ABCA4: variants seen among roughly 807,000 people sequenced by gnomAD.
ABCA4 encodes retinal-specific phospholipid-transporting ATPase ABCA4.
Under a neutral mutation model 263.7 loss-of-function variants are expected in ABCA4, and 196 were observed. The ratio of observed to expected loss-of-function variants is 0.74; its 90% CI spans 0.66 to 0.84. The LOEUF is 0.84. Among genes scored for constraint, ABCA4 ranks in the 40% least tolerant of loss-of-function variants. The pLI is 0.00. For missense variants in ABCA4, 2,792 were observed against 2,855.1 expected (o/e 0.98, Z 0.50); for synonymous variants, 1,133 against 1,094.2 (o/e 1.04, Z -0.70).
At chr1:94,049,094 C>T in intron 17 of ABCA4, 137 bp from the exon 18 acceptor site, 2 of 751,910 alleles carry the variant, frequency 2.7e-6, no homozygotes, top group South Asian at 1.5e-5. Context: ...GTGAGGTACT[C>T]AAGCCTGATC....
At position 94,043,475 on chromosome 1, in the gene ABCA4, G is replaced by T; in HGVS notation, c.3051C>A (p.His1017Gln). Residue 1017 changes from histidine (H) to glutamine (Q), a missense_variant and splice_region_variant, in exon 21 of 50, where the codon CAC (histidine) becomes CAA (glutamine). Transcript: ENST00000370225. ...ACAGCATGTGCTCAGCCACCGTGAG[G>T]CTAGGAGGATGGGACAACGAGAAAA... is the stretch of plus-strand genomic sequence containing the variant. ...MCPQHNILFHHLTVAEHMLFY... is the reference protein window; with the variant it reads ...MCPQHNILFHQLTVAEHMLFY... 6.2e-7 allele frequency: 1 copy of T among 1,614,128 alleles called. No homozygotes were observed. Among genetic ancestry groups the T allele is most frequent in the Non-Finnish European group, 8.5e-7 (1 of 1,180,022 alleles).
intron 1 of ABCA4, 33 bp downstream of exon 1, chr1:94,120,947 C>A (rs750207786): frequency 6.4e-7 from 1 of 1,552,422 alleles, no homozygotes; most frequent in Non-Finnish European, 8.8e-7. Flanking sequence ...TTGCTCCACA[C>A]CTCATTTTTA....
chr1:94,029,457 G>T lies in ABCA4; in HGVS notation c.4527C>A (p.Leu1509=). ...LPECPEGAGG[L]PPPQRTQRST... ...GGAGGTCAGGTACCTGGGGGGGCGG[G>T]AGGCCCCCGGCACCCTCGGGGCACT... Residue 1509 remains leucine (L), a synonymous_variant, in exon 30 of 50, where the codon CTC becomes CTA. Transcript: ENST00000370225. The T allele has an allele frequency of 6.4e-7, 1 of 1,555,218 alleles. No individual in the cohort carries two copies. The highest frequency in any genetic ancestry group is 8.7e-7 in the Non-Finnish European group (1 of 1,148,832).
chr1:94,099,322 G>A (rs1662226486), intron 5 of ABCA4, among the ~76,000 whole-genome samples: 1 of 152,202 alleles, frequency 6.6e-6, no homozygotes, highest in Non-Finnish European at 1.5e-5. Flanking sequence ...TGTCTCTGGA[G>A]GCTGAAGGAG....
At chr1:94,088,559 CT>C in intron 6 of ABCA4, among the ~76,000 whole-genome samples, 1 of 152,360 alleles carries the variant, frequency 6.6e-6, no homozygotes, top group South Asian at 2.1e-4. Flanking sequence ...CCCAAACCAA[CT>C]TCTGTGCCTG....
intron 1 of ABCA4, among the ~76,000 whole-genome samples, chr1:94,118,085 C>T (rs180786474): frequency 1.8e-4 from 27 of 152,210 alleles, no homozygotes; most frequent in African/African-American, 6.3e-4. Context: ...TCCTGGGTCA[C>T]GCAGCATGGG....
At chr1:94,089,105 T>G (rs1661907330) in intron 6 of ABCA4, among the ~76,000 whole-genome samples, 2 of 152,186 alleles carry the variant, frequency 1.3e-5, no homozygotes, top group Admixed American at 1.3e-4. Flanking sequence ...ATGAACACTT[T>G]GGAAAGCATC....
intron 39 of ABCA4, 121 bp from the exon 40 acceptor site, chr1:94,011,050 G>C: frequency 4.5e-6 from 7 of 1,570,478 alleles, no homozygotes; most frequent in Non-Finnish European, 6.1e-6. Flanking sequence ...CCAAACACCC[G>C]CCTCATAAGG....
At chr1:94,051,184 G>A (rs1660830890) in intron 17 of ABCA4, among the ~76,000 whole-genome samples, 2 of 152,136 alleles carry the variant, frequency 1.3e-5, no homozygotes, top group African/African-American at 4.8e-5. Context: ...CCCAGGAGGA[G>A]TCTTCATCTT....
chr1:94,092,552 T>G (rs942035763), intron 6 of ABCA4, among the ~76,000 whole-genome samples: 2 of 151,600 alleles, frequency 1.3e-5, no homozygotes, highest in Non-Finnish European at 2.9e-5. Flanking sequence ...CACTGGGGGG[T>G]TGGGGGACAT....
intron 19 of ABCA4, among the ~76,000 whole-genome samples, chr1:94,046,301 AAAATAC>A (rs1660673445): frequency 2.2e-5 from 3 of 136,860 alleles, no homozygotes; most frequent in Non-Finnish European, 3.2e-5. Flanking sequence ...AAAAAAAAAA[AAAATAC>A]AAAAATTAGC....
At chr1:94,062,992 T>C (rs1163690095) in intron 12 of ABCA4, 120 bp downstream of exon 12, 1 of 1,148,810 alleles carries the variant, frequency 8.7e-7, no homozygotes, top group Non-Finnish European at 1.3e-6. Flanking sequence ...AATATCTTAT[T>C]TTTTCTTATT....
Position 94,077,709 on chromosome 1 carries a change from A to C in ABCA4, c.1535T>G (p.Leu512Arg). 1 of 1,612,776 alleles carries C rather than the reference A, an allele frequency of 6.2e-7. No homozygotes were observed. The highest frequency in any genetic ancestry group is 8.5e-7 in the Non-Finnish European group (1 of 1,179,104). ...CCTTACCTCCAGGTATTGATTGACC[A>C]GGCGGAGGGTGCGATCAGTGATGTT... The part of the protein sequence containing the change: ...IFNITDRTLR[L>R]VNQYLECLVL... Residue 512 changes from leucine to arginine, a missense_variant, in exon 11 of 50, where the codon CTG (leucine) becomes CGG (arginine). Transcript: ENST00000370225.
At chr1:94,113,198 AAC>A (rs1662660827) in intron 1 of ABCA4, 132 bp from the exon 2 acceptor site, 1 of 823,064 alleles carries the variant, frequency 1.2e-6, no homozygotes, top group South Asian at 1.4e-5. Context: ...TCTTTACCTA[AAC>A]AGTTTCCTTC....
intron 1 of ABCA4, among the ~76,000 whole-genome samples, chr1:94,113,920 A>G (rs1442018657): frequency 2.0e-5 from 3 of 152,220 alleles, no homozygotes; most frequent in Non-Finnish European, 4.4e-5. Context: ...GTGGCATTGC[A>G]CATAGGGGTG....
At chr1:94,031,693 C>T in intron 27 of ABCA4, 85 bp downstream of exon 27, 2 of 1,568,738 alleles carry the variant, frequency 1.3e-6, no homozygotes, top group Admixed American at 3.5e-5. Context: ...AGTTATAACC[C>T]ATGCCTGAAG....
At chr1:94,090,788 G>A (rs1057314963) in intron 6 of ABCA4, among the ~76,000 whole-genome samples, 1 of 152,128 alleles carries the variant, frequency 6.6e-6, no homozygotes, top group Non-Finnish European at 1.5e-5. Flanking sequence ...TCAATAATAC[G>A]TGTTGTGGTA....
chr1:94,027,096 CAG>C (rs1348341842), intron 30 of ABCA4, among the ~76,000 whole-genome samples: 2 of 152,136 alleles, frequency 1.3e-5, no homozygotes, highest in Admixed American at 6.5e-5. Flanking sequence ...GTGAGAGAGA[CAG>C]AGCGCGCACA....
chr1:94,078,738 C>T lies in ABCA4; in HGVS notation c.1240-32G>A, dbSNP rs115959521. The T allele has an allele frequency of 1.8e-5, 27 of 1,477,368 alleles. 1 individual carries two copies. The highest frequency in any genetic ancestry group is 8.4e-5 in the Admixed American group (5 of 59,378). 91.5% of individuals were successfully genotyped at this position (1,477,368 alleles called of 1,614,324 possible). On this transcript the variant is annotated intron_variant, in intron 9 of 49. Transcript: ENST00000370225. ...CCAGACAGAGATCAAGACAGAGACA[C>T]GAACAGAGAGAAAAGTGAGAGAGAA...
Sources: allele counts gnomAD v4.1 joint callset (sites outside exome capture counted in the v4.1 genomes callset), GRCh38; gene constraint gnomAD v4.1.1; transcripts MANE v1.5; gene names NCBI Gene and HGNC (gene_info 2026-07-23, HGNC 2026-07-21).